UBE2F: variants seen among roughly 807,000 people sequenced by gnomAD.
UBE2F encodes the protein NEDD8-conjugating enzyme UBE2F.
In UBE2F, 5 loss-of-function variants were observed where a neutral mutation model predicts 29.6. That is an observed-to-expected ratio of 0.17 (90% CI 0.09 to 0.36). The LOEUF (loss-of-function observed/expected upper bound fraction) is 0.36, where lower values mean the gene tolerates loss of function less well. Among genes scored for constraint, UBE2F ranks in the 10% least tolerant of loss-of-function variants. UBE2F has a pLI of 1.00. For missense variants in UBE2F, 141 were observed against 228.5 expected (o/e 0.62, Z 2.47); for synonymous variants, 66 against 81.8 (o/e 0.81, Z 1.04).
At position 237,988,008 on chromosome 2, in the gene UBE2F, C is replaced by T; in HGVS notation, c.148+16C>T. 2 of 1,484,492 alleles carry T rather than the reference C, an allele frequency of 1.3e-6. No homozygotes were observed. Among genetic ancestry groups the T allele is most frequent in the East Asian group, 4.9e-5 (2 of 40,894 alleles). The allele number at this position is 1,484,492 out of a possible 1,614,324, so 92.0% of individuals were successfully genotyped here. On this transcript the variant is annotated intron_variant, in intron 3 of 9. Coordinates refer to ENST00000272930, the MANE Select transcript of UBE2F (RefSeq NM_080678.3). ...AATTTACCTTGTAAGTATAGCATCC[C>T]CAAACACTAAGTACTGTGAAATAAT... is the stretch of plus-strand genomic sequence containing the variant.
intron 4 of UBE2F, among the ~76,000 whole-genome samples, chr2:237,999,970 G>A (rs1453004098): frequency 2.0e-5 from 3 of 151,896 alleles, no homozygotes; most frequent in Non-Finnish European, 2.9e-5. Flanking sequence ...GATTACAGGT[G>A]CACACCACCA....
intron 6 of UBE2F, among the ~76,000 whole-genome samples, chr2:238,025,870 G>C (rs1175361486): frequency 6.6e-6 from 1 of 152,202 alleles, no homozygotes; most frequent in African/African-American, 2.4e-5. Context: ...AAATGGTCCT[G>C]ATAGATGTCA....
Position 237,986,088 on chromosome 2 carries a change from C to T in UBE2F, c.119-1875C>T, listed in dbSNP as rs1182023527. 9 of 294,608 alleles carry T rather than the reference C, an allele frequency of 3.1e-5. No individual in the cohort carries two copies. In the East Asian group the frequency reaches 4.1e-4, roughly 13 times the overall value. The allele number at this position is 294,608 out of a possible 1,614,324, so 18.2% of individuals were successfully genotyped here. A position where few individuals can be genotyped will look rare whatever the true frequency, so the allele number is the denominator to read the frequency against. ...ATATTTTAGATATTAATCTGTTTGT[C>T]GAATATATGATTTGTAAATATTTTC... On this transcript the variant is annotated intron_variant, in intron 2 of 9. Coordinates refer to ENST00000272930, the MANE Select transcript of UBE2F (RefSeq NM_080678.3).
At chr2:238,013,101 A>G (rs2064076410) in intron 4 of UBE2F, among the ~76,000 whole-genome samples, 1 of 151,878 alleles carries the variant, frequency 6.6e-6, no homozygotes, top group South Asian at 2.1e-4. Flanking sequence ...GCATGGTGAG[A>G]CCCCATCTCT....
At chr2:238,032,327 A>G in intron 8 of UBE2F, 73 bp downstream of exon 8, 2 of 1,316,996 alleles carry the variant, frequency 1.5e-6, no homozygotes, top group South Asian at 2.4e-5. Context: ...GCGTTAAGAC[A>G]TGGTTTTAAC....
At chr2:238,021,371 A>C (rs1438253800) in intron 5 of UBE2F, among the ~76,000 whole-genome samples, 1 of 152,206 alleles carries the variant, frequency 6.6e-6, no homozygotes, top group African/African-American at 2.4e-5. Flanking sequence ...TTTGTAGGGA[A>C]TTGAGACAAC....
chr2:237,976,651 T>C (rs998971521), intron 2 of UBE2F, among the ~76,000 whole-genome samples: 3 of 152,160 alleles, frequency 2.0e-5, no homozygotes, highest in Non-Finnish European at 4.4e-5. Flanking sequence ...TTCCTCCTGC[T>C]CTTTTATAAG....
At position 238,041,470 on chromosome 2, in the gene UBE2F, G is replaced by A. The variant is rs1451273930; in HGVS notation, c.*132G>A. 2.4e-6 allele frequency: 2 copies of A among 819,532 alleles called. No homozygotes were observed. Among genetic ancestry groups the A allele is most frequent in the African/African-American group, 1.7e-5 (1 of 59,406 alleles). 50.8% of individuals were successfully genotyped at this position (819,532 alleles called of 1,614,324 possible). On this transcript the variant is annotated 3_prime_UTR_variant, in exon 10 of 10. Transcript: ENST00000272930. The stretch of plus-strand genomic sequence containing the variant: ...TGGATTGCCCCAGTCCTGTGACCAT[G>A]TTGCCCTGAAGAAGACCATCTTCAT...
chr2:238,032,283 A>G (rs1448865551), intron 8 of UBE2F, 29 bp downstream of exon 8: 1 of 1,583,920 alleles, frequency 6.3e-7, no homozygotes, highest in East Asian at 2.2e-5. Flanking sequence ...ATCCCAAGTT[A>G]TTCTCAATTT....
At chr2:238,024,667 C>T (rs1486983811) in intron 5 of UBE2F, among the ~76,000 whole-genome samples, 2 of 152,176 alleles carry the variant, frequency 1.3e-5, no homozygotes, top group East Asian at 1.9e-4. Context: ...TTTTAGGTGG[C>T]CTCCCAAAGT....
intron 5 of UBE2F, among the ~76,000 whole-genome samples, chr2:238,024,453 T>C (rs6431574): frequency 0.86 from 130,889 of 152,102 alleles, 56,463 homozygotes; most frequent in East Asian, 0.97. Flanking sequence ...TCAAGTGATT[T>C]TCCCACCTCA....
At chr2:238,014,047 T>G (rs971391382) in intron 4 of UBE2F, among the ~76,000 whole-genome samples, 1 of 152,188 alleles carries the variant, frequency 6.6e-6, no homozygotes, top group Admixed American at 6.5e-5. Context: ...GAGCAGGCCT[T>G]CCTTGAACCG....
intron 4 of UBE2F, chr2:238,003,536 G>A: frequency 2.9e-6 from 1 of 347,992 alleles, no homozygotes; most frequent in Non-Finnish European, 6.1e-6. Flanking sequence ...AAGTGAGTAT[G>A]ACATGAATTG....
chr2:238,039,340 C>T (rs983426572), intron 9 of UBE2F, among the ~76,000 whole-genome samples: 2 of 152,200 alleles, frequency 1.3e-5, no homozygotes, highest in South Asian at 4.1e-4. Context: ...GAGAGAGGAG[C>T]GCTCCAGAAA....
intron 8 of UBE2F, among the ~76,000 whole-genome samples, chr2:238,034,738 A>G (rs572497430): frequency 6.6e-6 from 1 of 152,316 alleles, no homozygotes; most frequent in South Asian, 2.1e-4. Flanking sequence ...TAACATTTTA[A>G]TGGTCACAGC....
chr2:237,997,917 A>G (rs964991555), intron 4 of UBE2F, among the ~76,000 whole-genome samples: 3 of 152,246 alleles, frequency 2.0e-5, no homozygotes, highest in Non-Finnish European at 2.9e-5. Flanking sequence ...AAGTGAAATG[A>G]AACAAAACAA....
At chr2:237,995,883 AG>A (rs1322343164) in intron 4 of UBE2F, among the ~76,000 whole-genome samples, 1 of 152,244 alleles carries the variant, frequency 6.6e-6, no homozygotes, top group Non-Finnish European at 1.5e-5. Context: ...ACTTGGGTAT[AG>A]GAGTTAATAC....
chr2:238,035,823 T>A (rs1326298959), intron 8 of UBE2F, 55 bp from the exon 9 acceptor site: 51 of 1,457,836 alleles, frequency 3.5e-5, no homozygotes, highest in Non-Finnish European at 4.5e-5. Context: ...ATGAAGACTT[T>A]AACAGCAGAA....
intron 4 of UBE2F, among the ~76,000 whole-genome samples, chr2:238,011,763 ACACT>A (rs1433068024): frequency 1.3e-5 from 2 of 152,216 alleles, no homozygotes; most frequent in Non-Finnish European, 2.9e-5. Context: ...ATAGATATAA[ACACT>A]CAGGACTGCT....
Sources: gnomAD v4.1 joint callset for allele counts (sites outside exome capture counted in the v4.1 genomes callset) on GRCh38, gnomAD v4.1.1 for gene constraint, MANE v1.5 for transcripts, NCBI Gene and HGNC (gene_info 2026-07-23, HGNC 2026-07-21) for gene names.